The following FRAS1 variants were observed in gnomAD, a reference collection of about 807,000 sequenced individuals.
The protein encoded by FRAS1 is extracellular matrix organizing protein FRAS1.
A neutral mutation model predicts 435.2 loss-of-function variants in FRAS1; 290 were observed. The observed-to-expected ratio is 0.67, with a 90% CI of 0.61 to 0.73. The LOEUF is 0.73. Among genes scored for constraint, FRAS1 ranks in the 30% least tolerant of loss-of-function variants. The pLI, the probability that FRAS1 is intolerant of heterozygous loss-of-function variation, is 0.00. For missense variants in FRAS1, 4,860 were observed against 5,001.5 expected (o/e 0.97, Z 0.85); for synonymous variants, 1,800 against 1,851.0 (o/e 0.97, Z 0.71).
chr4:78,387,477 G>C lies in FRAS1; in HGVS notation c.3751G>C (p.Asp1251His), dbSNP rs1310535882. Residue 1251 changes from aspartate (D) to histidine (H), a missense_variant, in exon 29 of 74, where the codon GAT (aspartate) becomes CAT (histidine). Physicochemically the swap from Asp to His is moderately conservative, Grantham distance 81. Transcript: ENST00000512123. ...CATCCGAGATGATGACAACCCACAG[G>C]ATGTGGTCATTGAAATAATCGATCC... is the stretch of plus-strand genomic sequence containing the variant. ...LDIRDDDNPQ[D>H]VVIEIIDPPL... 6.2e-7 allele frequency: 1 copy of C among 1,613,530 alleles called. No homozygotes were observed. The highest frequency in any genetic ancestry group is 2.2e-5 in the East Asian group (1 of 44,850).
At chr4:78,157,939 A>T (rs1048007532) in intron 2 of FRAS1, among the ~76,000 whole-genome samples, 3 of 152,130 alleles carry the variant, frequency 2.0e-5, no homozygotes, top group Admixed American at 6.6e-5. Flanking sequence ...TCCTTACCCA[A>T]TTGCTTATTT....
intron 2 of FRAS1, among the ~76,000 whole-genome samples, chr4:78,124,590 A>T (rs1441489087): frequency 6.6e-6 from 1 of 152,186 alleles, no homozygotes; most frequent in Non-Finnish European, 1.5e-5. Flanking sequence ...TAGGCTGTGA[A>T]TCTGTCTGGT....
chr4:78,132,904 G>A (rs1719749210), intron 2 of FRAS1, among the ~76,000 whole-genome samples: 1 of 152,158 alleles, frequency 6.6e-6, no homozygotes, highest in African/African-American at 2.4e-5. Context: ...TAGAGGAGCT[G>A]TCTGCTGGCC....
At chr4:78,343,129 T>C (rs1363568090) in intron 20 of FRAS1, among the ~76,000 whole-genome samples, 1 of 152,222 alleles carries the variant, frequency 6.6e-6, no homozygotes, top group African/African-American at 2.4e-5. Flanking sequence ...CTCGGTTACA[T>C]AAAGGTAAGC....
chr4:78,500,066 T>G (rs565309270), intron 61 of FRAS1, 145 bp downstream of exon 61: 1 of 581,378 alleles, frequency 1.7e-6, no homozygotes, highest in African/African-American at 1.9e-5. Flanking sequence ...CATTTGAGAT[T>G]GCAGGTGAAA....
intron 2 of FRAS1, among the ~76,000 whole-genome samples, chr4:78,193,490 T>C (rs1202639925): frequency 6.6e-6 from 1 of 152,228 alleles, no homozygotes; most frequent in African/African-American, 2.4e-5. Flanking sequence ...GATAATTAGC[T>C]CTGCTTGTTG....
intron 70 of FRAS1, among the ~76,000 whole-genome samples, chr4:78,533,224 T>G (rs1721776743): frequency 6.6e-6 from 1 of 152,242 alleles, no homozygotes; most frequent in South Asian, 2.1e-4. Context: ...GCTTACTATT[T>G]CCTTAGAACG....
Position 78,407,857 on chromosome 4 carries a change from T to C in FRAS1, c.4308+16T>C. Reference sequence around the variant, plus strand: ...CCGCTTCGAGGTACCCTCTGCTTCCTGACTTTTCTGAAGTCTGATGAATCC... The same window carrying C: ...CCGCTTCGAGGTACCCTCTGCTTCCCGACTTTTCTGAAGTCTGATGAATCC... On this transcript the variant is annotated intron_variant, in intron 31 of 73. Transcript: ENST00000512123. 1 of 1,572,476 alleles carries C rather than the reference T, an allele frequency of 6.4e-7. No homozygotes were observed. Among genetic ancestry groups the C allele is most frequent in the Non-Finnish European group, 8.6e-7 (1 of 1,158,032 alleles).
At chr4:78,467,171 C>T (rs80227374) in intron 50 of FRAS1, among the ~76,000 whole-genome samples, 76 of 152,212 alleles carry the variant, frequency 5.0e-4, no homozygotes, top group African/African-American at 1.8e-3. Flanking sequence ...AAAACTATGC[C>T]TTATTCATTC....
chr4:78,322,731 A>T (rs1251821634), intron 18 of FRAS1, among the ~76,000 whole-genome samples: 1 of 152,214 alleles, frequency 6.6e-6, no homozygotes. Context: ...AAAAAAATTT[A>T]AAATTAACAG....
intron 2 of FRAS1, among the ~76,000 whole-genome samples, chr4:78,077,406 AT>A (rs1262373087): frequency 6.6e-6 from 1 of 151,978 alleles, no homozygotes; most frequent in Non-Finnish European, 1.5e-5. Flanking sequence ...TAAGAATTCA[AT>A]TTTTTTGTTT....
chr4:78,082,083 A>T (rs1740923025), intron 2 of FRAS1, among the ~76,000 whole-genome samples: 2 of 152,220 alleles, frequency 1.3e-5, no homozygotes, highest in Admixed American at 6.6e-5. Context: ...ATGAGTTGCA[A>T]TGTCTGTAAG....
In FRAS1 at chr4:78,508,833, G is replaced by C. The variant is rs540286890; in HGVS notation, c.9607G>C (p.Asp3203His). Residue 3203 changes from aspartate to histidine, a missense_variant, in exon 63 of 74, where the codon GAC becomes CAC. Physicochemically the swap from Asp to His is moderately conservative, Grantham distance 81. Coordinates refer to ENST00000512123, the MANE Select transcript of FRAS1 (RefSeq NM_025074.7). The part of the protein sequence containing the change: ...GYPLVCVTPC[D>H]PHFPRYAVMK... ...CCCACTGGTCTGTGTCACCCCCTGC[G>C]ACCCTCATTTCCCCAGATACGCTGT... 1.2e-6 allele frequency: 2 copies of C among 1,613,718 alleles called. No individual in the cohort carries two copies. Among genetic ancestry groups the C allele is most frequent in the East Asian group, 4.5e-5 (2 of 44,818 alleles).
At chr4:78,069,679 C>T (rs189514963) in intron 2 of FRAS1, among the ~76,000 whole-genome samples, 37 of 152,200 alleles carry the variant, frequency 2.4e-4, no homozygotes, top group African/African-American at 8.7e-4. Flanking sequence ...ATGGCATGTG[C>T]TTTTCTGCCA....
At chr4:78,493,096 A>C (rs1720412772) in intron 59 of FRAS1, among the ~76,000 whole-genome samples, 1 of 152,236 alleles carries the variant, frequency 6.6e-6, no homozygotes, top group Non-Finnish European at 1.5e-5. Flanking sequence ...AATCAAAACC[A>C]CAATGAGATA....
chr4:78,097,876 GAA>G, intron 2 of FRAS1, among the ~76,000 whole-genome samples: 1 of 150,152 alleles, frequency 6.7e-6, no homozygotes, highest in Middle Eastern at 3.4e-3. Context: ...GGCCTTATAA[GAA>G]GAGGAGATTA....
intron 2 of FRAS1, among the ~76,000 whole-genome samples, chr4:78,234,335 C>T (rs889379154): frequency 6.6e-6 from 1 of 152,056 alleles, no homozygotes; most frequent in African/African-American, 2.4e-5. Context: ...ACGCCATTCT[C>T]CTGCCTCTGC....
intron 2 of FRAS1, among the ~76,000 whole-genome samples, chr4:78,175,601 G>C (rs574834369): frequency 6.6e-6 from 1 of 152,290 alleles, no homozygotes; most frequent in Admixed American, 6.5e-5. Context: ...GGTAGTTACA[G>C]CAGGGAGCCA....
rs1281404139 is a variant in FRAS1, at chr4:78,057,826, C to G, written c.-184C>G. 1 of 588,190 alleles carries G rather than the reference C, an allele frequency of 1.7e-6. No individual in the cohort carries two copies. Among genetic ancestry groups the G allele is most frequent in the Non-Finnish European group, 3.0e-6 (1 of 332,598 alleles). The allele number at this position is 588,190 out of a possible 1,614,324, so 36.4% of individuals were successfully genotyped here. ...AGCGAGTGAATTGAACCCCAGCCCG[C>G]TCCGGCGCCTCCGGGCTGATGAGTG... On this transcript the variant is annotated 5_prime_UTR_variant, in exon 1 of 74. Transcript: ENST00000512123. This position sits in a 1 kb window ranked among gnomAD's most constrained non-coding sequence, Gnocchi z 4.2.
Sources: allele counts gnomAD v4.1 joint callset (sites outside exome capture counted in the v4.1 genomes callset), GRCh38; gene constraint gnomAD v4.1.1; non-coding constraint Gnocchi (gnomAD v3.1); transcripts MANE v1.5; gene names NCBI Gene and HGNC (gene_info 2026-07-23, HGNC 2026-07-21).